The following PLA2G4D variants were observed in gnomAD, a reference collection of about 807,000 sequenced individuals.
PLA2G4D encodes phospholipase A2 group IVD.
In PLA2G4D, 80 loss-of-function variants were observed where a neutral mutation model predicts 94.4. The observed-to-expected ratio is 0.85, with a 90% CI of 0.71 to 1.02. PLA2G4D has a LOEUF of 1.02. PLA2G4D is among the 50% of genes least tolerant of loss of function. The pLI, the probability that PLA2G4D is intolerant of heterozygous loss-of-function variation, is 0.00. For missense variants in PLA2G4D, 1,050 were observed against 1,034.7 expected, an observed-to-expected ratio of 1.01 and a Z score of -0.20; for synonymous variants, 438 against 440.9, an observed-to-expected ratio of 0.99 and a Z score of 0.08.
chr15:42,079,833 C>T (rs1027464041), intron 12 of PLA2G4D, 74 bp from the exon 13 acceptor site: 6 of 1,445,304 alleles, frequency 4.2e-6, no homozygotes, highest in African/African-American at 1.5e-5. Context: ...GCTTCCCACT[C>T]GGCAGCTTCT....
At position 42,071,492 on chromosome 15, in the gene PLA2G4D, A is replaced by T; in HGVS notation, c.1633T>A (p.Ser545Thr). 6.2e-7 allele frequency: 1 copy of T among 1,613,978 alleles called. No homozygotes were observed. The highest frequency in any genetic ancestry group is 8.5e-7 in the Non-Finnish European group (1 of 1,179,924). ...LLDAWYDLTS[S>T]GESWKQHIKD... Reference sequence around the variant, plus strand: ...ATGTGCTGTTTCCAGGACTCCCCAGAACTGGTGAGGTCATACCAGGCATCC... The same window carrying T: ...ATGTGCTGTTTCCAGGACTCCCCAGTACTGGTGAGGTCATACCAGGCATCC... The change falls in exon 16 of 20, where the codon TCT (serine) becomes ACT (threonine). Residue 545 changes from serine to threonine, a missense_variant. Ser to Thr is a moderately conservative substitution (Grantham distance 58). Coordinates refer to ENST00000290472, the MANE Select transcript of PLA2G4D (RefSeq NM_178034.4).
intron 1 of PLA2G4D, among the ~76,000 whole-genome samples, chr15:42,090,573 G>A (rs1890228972): frequency 1.3e-5 from 2 of 152,304 alleles, no homozygotes; most frequent in African/African-American, 4.8e-5. Flanking sequence ...GGTGCCCTGT[G>A]GTGGGGTAAT....
chr15:42,069,613 G>A (rs1325512151), intron 19 of PLA2G4D, among the ~76,000 whole-genome samples: 1 of 152,132 alleles, frequency 6.6e-6, no homozygotes, highest in African/African-American at 2.4e-5. Context: ...CAGAGCAGGA[G>A]AGCAGAGGAG....
intron 3 of PLA2G4D, 58 bp from the exon 4 acceptor site, chr15:42,086,402 C>G: frequency 1.9e-6 from 3 of 1,565,468 alleles, no homozygotes; most frequent in Non-Finnish European, 2.6e-6. Flanking sequence ...AGTAGCTCAC[C>G]TCTGTTGAGC....
In PLA2G4D at chr15:42,070,706, G is replaced by A. The variant is rs762610689; in HGVS notation, c.2043+11C>T. 5.2e-6 allele frequency: 8 copies of A among 1,551,636 alleles called. 1 individual carries two copies. The South Asian group carries it at 8.3e-5, about 16-fold the overall frequency. ...CTGGGCAGAGGGGTTCCCCTGGGGT[G>A]ACCAGGGTACCTCGAAGGGCGCAGA... On this transcript the variant is annotated intron_variant, in intron 18 of 19. Coordinates refer to ENST00000290472, the MANE Select transcript of PLA2G4D (RefSeq NM_178034.4).
intron 13 of PLA2G4D, among the ~76,000 whole-genome samples, chr15:42,077,747 T>A (rs1889957715): frequency 6.6e-6 from 1 of 152,272 alleles, no homozygotes; most frequent in Non-Finnish European, 1.5e-5. Context: ...AGATTTTTAC[T>A]CCTCTGTTGC....
intron 13 of PLA2G4D, among the ~76,000 whole-genome samples, chr15:42,075,156 G>A (rs542372145): frequency 7.2e-5 from 11 of 152,204 alleles, no homozygotes; most frequent in African/African-American, 2.7e-4. Context: ...AGAATATATA[G>A]GTGTCTAATA....
In PLA2G4D at chr15:42,081,835, C is replaced by T. The variant is rs757312673; in HGVS notation, c.784-1G>A. ...TGAGCTGCAGCCTCACTCCTGGGGC[C>T]TGAAATCAAAGCCAGAGACTCTGCT... is the stretch of plus-strand genomic sequence containing the variant. On this transcript the variant is annotated splice_acceptor_variant, in intron 9 of 19. Coordinates refer to ENST00000290472, the MANE Select transcript of PLA2G4D (RefSeq NM_178034.4). LOFTEE classifies it high-confidence loss of function. 1 of 1,614,172 alleles carries T rather than the reference C, an allele frequency of 6.2e-7. No individual in the cohort carries two copies. The highest frequency in any genetic ancestry group is 8.5e-7 in the Non-Finnish European group (1 of 1,180,020).
Position 42,068,960 on chromosome 15 carries a change from G to A in PLA2G4D, c.2231-19C>T. The A allele has an allele frequency of 6.3e-7, 1 of 1,598,314 alleles. No individual in the cohort carries two copies. The highest frequency in any genetic ancestry group is 8.5e-7 in the Non-Finnish European group (1 of 1,173,774). ...TGGACACCTGCCCAGGGGTAGGAGGGGTGTCAGGAGCAGGACGCCGGGGCT... is the reference window on the plus strand; with the variant it reads ...TGGACACCTGCCCAGGGGTAGGAGGAGTGTCAGGAGCAGGACGCCGGGGCT... On this transcript the variant is annotated intron_variant, in intron 19 of 19. Transcript: ENST00000290472.
chr15:42,080,976 C>T lies in PLA2G4D; in HGVS notation c.1094+21G>A, dbSNP rs182748804. On this transcript the variant is annotated intron_variant, in intron 12 of 19. Transcript: ENST00000290472. ...TATGGCCCCTGATTGTCTCTGCCAC[C>T]CAGTCCCCCAGGATCCTCACCACGT... is the stretch of plus-strand genomic sequence containing the variant. 3.1e-6 allele frequency: 5 copies of T among 1,610,980 alleles called. No individual in the cohort carries two copies. The African/African-American group carries it at 5.3e-5, about 17-fold the overall frequency.
At position 42,070,688 on chromosome 15, in the gene PLA2G4D, G is replaced by A. The variant is rs1259625156; in HGVS notation, c.2043+29C>T. 7.1e-6 allele frequency: 11 copies of A among 1,545,990 alleles called. No individual in the cohort carries two copies. In the South Asian group the frequency reaches 1.2e-4, roughly 17 times the overall value. On this transcript the variant is annotated intron_variant, in intron 18 of 19. Transcript: ENST00000290472. ...CTCTGGAGCTTGGCCTGGCTGGGCA[G>A]AGGGGTTCCCCTGGGGTGACCAGGG...
chr15:42,079,024 A>G (rs1889981007), intron 13 of PLA2G4D, among the ~76,000 whole-genome samples: 1 of 152,216 alleles, frequency 6.6e-6, no homozygotes, highest in Non-Finnish European at 1.5e-5. Context: ...ATGGTGAGGT[A>G]TCACTGAGTA....
intron 13 of PLA2G4D, among the ~76,000 whole-genome samples, chr15:42,077,031 C>G (rs1055297826): frequency 2.0e-5 from 3 of 152,078 alleles, no homozygotes; most frequent in African/African-American, 7.2e-5. Context: ...AAGATTGAAC[C>G]ATGAAGAAAC....
At chr15:42,091,426 C>A (rs988731586) in intron 1 of PLA2G4D, among the ~76,000 whole-genome samples, 3 of 152,258 alleles carry the variant, frequency 2.0e-5, no homozygotes. Flanking sequence ...GAGTGCGAGC[C>A]TTCTGTTATG....
intron 18 of PLA2G4D, chr15:42,070,468 G>A (rs749463194): frequency 4.0e-5 from 22 of 554,002 alleles, no homozygotes; most frequent in Non-Finnish European, 6.4e-5. Context: ...TCTCAGCTCC[G>A]TCCAGCTGTT....
chr15:42,073,335 T>TG (rs1192124359), intron 13 of PLA2G4D, among the ~76,000 whole-genome samples: 1 of 152,186 alleles, frequency 6.6e-6, no homozygotes, highest in African/African-American at 2.4e-5. Context: ...GCTTGCCTTT[T>TG]GGGGGAGCCT....
At chr15:42,070,116 C>A in intron 18 of PLA2G4D, 21 bp from the exon 19 acceptor site, 1 of 1,478,362 alleles carries the variant, frequency 6.8e-7, no homozygotes, top group Non-Finnish European at 8.9e-7. Context: ...GAAGGTGGCC[C>A]GGAGAGAACC....
At chr15:42,092,699 G>A (rs915187323) in intron 1 of PLA2G4D, among the ~76,000 whole-genome samples, 1 of 152,176 alleles carries the variant, frequency 6.6e-6, no homozygotes, top group Non-Finnish European at 1.5e-5. Flanking sequence ...ACCTTGCGCA[G>A]GGACCCCAGA....
chr15:42,070,824 C>CCAGGCAGAG lies in PLA2G4D; in HGVS notation c.1927_1935dup (p.Leu643_Leu645dup). ...GTGTTGATGAAGTAGGCGGCGTCCA[C>CCAGGCAGAG]CAGGCAGAGCCGGGGCTCCTTGGGG... On this transcript the variant is annotated inframe_insertion, in exon 18 of 20. Transcript: ENST00000290472. 1 of 1,611,160 alleles carries CCAGGCAGAG rather than the reference C, an allele frequency of 6.2e-7. No individual in the cohort carries two copies. The highest frequency in any genetic ancestry group is 8.5e-7 in the Non-Finnish European group (1 of 1,178,804).
Sources: gnomAD v4.1 joint callset for allele counts (sites outside exome capture counted in the v4.1 genomes callset) on GRCh38, gnomAD v4.1.1 for gene constraint, MANE v1.5 for transcripts, NCBI Gene and HGNC (gene_info 2026-07-23, HGNC 2026-07-21) for gene names.